The following NACC2 variants were observed in gnomAD, a reference collection of about 807,000 sequenced individuals.
NACC2 encodes the protein nucleus accumbens-associated protein 2.
A neutral mutation model predicts 25.1 loss-of-function variants in NACC2; 8 were observed. That is an observed-to-expected ratio of 0.32 (90% CI 0.19 to 0.57). The LOEUF (loss-of-function observed/expected upper bound fraction) is 0.57. Ranked by LOEUF, NACC2 falls within the 20% of genes least tolerant of loss-of-function variation. NACC2 has a pLI of 0.89. For synonymous variants in NACC2, 435 were observed against 294.7 expected (o/e 1.48, Z -4.88); for missense variants, 644 against 650.2 (o/e 0.99, Z 0.10).
Position 136,086,298 on chromosome 9 carries a change from C to G in NACC2, c.-60+8891G>C, listed in dbSNP as rs1830378122. 6.6e-6 allele frequency among the ~76,000 whole-genome samples: 1 copy of G among 152,208 alleles called. No homozygotes were observed. Among genetic ancestry groups the G allele is most frequent in the South Asian group, 2.1e-4 (1 of 4,834 alleles). ...GACGAAGGGCACATGCCCCCCGAGG[C>G]CTCCCACTCAGAGCTGGGAGGGGTT... On this transcript the variant is annotated intron_variant, in intron 1 of 5. Coordinates refer to ENST00000277554, the MANE Select transcript of NACC2 (RefSeq NM_144653.5). This position sits in a 1 kb window ranked among gnomAD's most constrained non-coding sequence, Gnocchi z 5.6.
At chr9:136,080,748 C>T (rs974843300) in intron 1 of NACC2, among the ~76,000 whole-genome samples, 12 of 152,140 alleles carry the variant, frequency 7.9e-5, no homozygotes, top group East Asian at 1.9e-4. Flanking sequence ...CACGTGGAGA[C>T]GGGGGGCCGT....
At chr9:136,024,057 TGTGTGTGTGAGGCCAGA>T (rs1379993439) in intron 2 of NACC2, among the ~76,000 whole-genome samples, 1 of 149,538 alleles carries the variant, frequency 6.7e-6, no homozygotes. Flanking sequence ...GGGGACAGCG[TGTGTGTGTGAGGCCAGA>T]GTGTGAGTGA....
chr9:136,020,463 C>G lies in NACC2; in HGVS notation c.887-4034G>C, dbSNP rs573041243. Reference sequence around the variant, plus strand: ...CACCATCAGAGACCACGCAGGCAGCCCCACCAGGGGAGTCTGTGCGGATGT... The same window carrying G: ...CACCATCAGAGACCACGCAGGCAGCGCCACCAGGGGAGTCTGTGCGGATGT... On this transcript the variant is annotated intron_variant, in intron 2 of 5. Transcript: ENST00000277554. This position sits in a 1 kb window ranked among gnomAD's most constrained non-coding sequence, Gnocchi z 4.7. 3.7e-3 allele frequency among the ~76,000 whole-genome samples: 557 copies of G among 152,266 alleles called. 4 individuals are homozygous for G. Among genetic ancestry groups the G allele is most frequent in the African/African-American group, 0.013 (533 of 41,548 alleles).
chr9:136,060,336 G>T (rs1349363653), intron 1 of NACC2, among the ~76,000 whole-genome samples: 1 of 152,264 alleles, frequency 6.6e-6, no homozygotes, highest in Non-Finnish European at 1.5e-5. Context: ...GGGAGGCCCT[G>T]GAGCCGGCTG....
intron 1 of NACC2, among the ~76,000 whole-genome samples, chr9:136,090,941 G>A (rs1167593639): frequency 6.6e-6 from 1 of 152,150 alleles, no homozygotes. Flanking sequence ...AGCCCTGCCT[G>A]CTTCCCAGGC....
intron 1 of NACC2, among the ~76,000 whole-genome samples, chr9:136,089,000 A>G (rs1830408076): frequency 6.6e-6 from 1 of 152,198 alleles, no homozygotes; most frequent in Non-Finnish European, 1.5e-5. Context: ...CTGTTACAAC[A>G]CTAAGTAATC....
In NACC2 at chr9:136,030,420, G is replaced by A. The variant is rs1050200600; in HGVS notation, c.887-13991C>T. Among the ~76,000 whole-genome samples, 8 of 151,800 alleles carry A rather than the reference G, an allele frequency of 5.3e-5. No homozygotes were observed. In the South Asian group the frequency reaches 1.3e-3, roughly 24 times the overall value. ...GTCAGGAGATCGAGACCATCCCGGT[G>A]AACACAGTGAAACCCCATCTCTACT... On this transcript the variant is annotated intron_variant, in intron 2 of 5. Transcript: ENST00000277554.
Position 136,015,323 on chromosome 9 carries a change from G to A in NACC2, c.1051+942C>T, listed in dbSNP as rs558685091. Among the ~76,000 whole-genome samples the A allele has an allele frequency of 1.7e-3, 255 of 152,320 alleles. 2 individuals carry two copies. The highest frequency in any genetic ancestry group is 3.4e-3 in the Middle Eastern group (1 of 294). On this transcript the variant is annotated intron_variant, in intron 3 of 5. Coordinates refer to ENST00000277554, the MANE Select transcript of NACC2 (RefSeq NM_144653.5). ...AGCCGCCCCGGCAGCCCAGCACTGC[G>A]CTCGCCATCCAGAAGCAGTGCCGGG...
chr9:136,094,631 G>A (rs1830468424), intron 1 of NACC2, among the ~76,000 whole-genome samples: 1 of 152,138 alleles, frequency 6.6e-6, no homozygotes. Flanking sequence ...GCCCGAGTGG[G>A]GGAGGCGCGG....
rs1159494031 is a variant in NACC2 at position 136,049,718 on chromosome 9, G to A, written c.804C>T (p.Asp268=). ...DSPTSYHNEE[D]EEDDEAYDTM... is the part of the protein sequence containing the mutation. ...TGTCGTAGGCCTCGTCGTCCTCCTCGTCCTCCTCGTTGTGGTACGAGGTGG... is the reference window on the plus strand; with the variant it reads ...TGTCGTAGGCCTCGTCGTCCTCCTCATCCTCCTCGTTGTGGTACGAGGTGG... Residue 268 remains aspartate, a synonymous_variant, in exon 2 of 6, where the codon GAC becomes GAT. Coordinates refer to ENST00000277554, the MANE Select transcript of NACC2 (RefSeq NM_144653.5). The A allele has an allele frequency of 2.7e-5, 21 of 779,210 alleles. No individual in the cohort carries two copies. The highest frequency in any genetic ancestry group is 1.0e-4 in the Admixed American group (6 of 58,980). The allele number at this position is 779,210 out of a possible 1,614,324, so 48.3% of individuals were successfully genotyped here.
intron 1 of NACC2, among the ~76,000 whole-genome samples, chr9:136,087,262 A>G (rs1292507118): frequency 6.6e-6 from 1 of 152,204 alleles, no homozygotes; most frequent in East Asian, 1.9e-4. Context: ...CAGAACTGGG[A>G]CAGGAGCACT....
intron 2 of NACC2, among the ~76,000 whole-genome samples, chr9:136,048,504 G>T (rs1450247899): frequency 6.6e-6 from 1 of 152,256 alleles, no homozygotes; most frequent in African/African-American, 2.4e-5. Flanking sequence ...GTGAAGCCCA[G>T]ATCGAGGTGG....
intron 2 of NACC2, among the ~76,000 whole-genome samples, chr9:136,028,376 C>CTT (rs756007174): frequency 0.27 from 35,792 of 132,968 alleles, 5,158 homozygotes; most frequent in East Asian, 0.34. Flanking sequence ...CCTTTGCTTC[C>CTT]TTTTTTTTTT....
chr9:136,030,001 G>A (rs950111773), intron 2 of NACC2, among the ~76,000 whole-genome samples: 10 of 152,160 alleles, frequency 6.6e-5, no homozygotes, highest in Non-Finnish European at 1.5e-4. Context: ...CGGGTGAAGC[G>A]ACACCCCAAG....
chr9:136,044,757 T>TA (rs1840694608), intron 2 of NACC2, among the ~76,000 whole-genome samples: 1 of 152,220 alleles, frequency 6.6e-6, no homozygotes, highest in African/African-American at 2.4e-5. Flanking sequence ...GCCTCGGACA[T>TA]ACAGCCCTGC....
chr9:136,052,208 A>G (rs1003255847), intron 1 of NACC2, among the ~76,000 whole-genome samples: 2 of 152,216 alleles, frequency 1.3e-5, no homozygotes, highest in African/African-American at 4.8e-5. Flanking sequence ...TGCAATGCAA[A>G]CAAAGATGGC....
At chr9:136,094,762 G>A (rs144102100) in intron 1 of NACC2, among the ~76,000 whole-genome samples, 2 of 152,080 alleles carry the variant, frequency 1.3e-5, no homozygotes, top group African/African-American at 4.8e-5. Context: ...CTGGCCCCGG[G>A]CCAGTCCTGC....
At chr9:136,063,233 C>T (rs867960167) in intron 1 of NACC2, among the ~76,000 whole-genome samples, 3 of 152,178 alleles carry the variant, frequency 2.0e-5, no homozygotes, top group Non-Finnish European at 2.9e-5. Flanking sequence ...GGGCTGGTCT[C>T]GGCCATGCTG....
intron 1 of NACC2, among the ~76,000 whole-genome samples, chr9:136,060,353 C>G (rs1332516047): frequency 6.6e-6 from 1 of 152,248 alleles, no homozygotes; most frequent in Non-Finnish European, 1.5e-5. Context: ...GCTGGGCTGC[C>G]TTTAAGCCGG....
Sources: allele counts gnomAD v4.1 joint callset (sites outside exome capture counted in the v4.1 genomes callset), GRCh38; gene constraint gnomAD v4.1.1; non-coding constraint Gnocchi (gnomAD v3.1); transcripts MANE v1.5; gene names NCBI Gene and HGNC (gene_info 2026-07-23, HGNC 2026-07-21).